IGF2BP1: variants seen among roughly 807,000 people sequenced by gnomAD.
IGF2BP1 encodes the protein insulin-like growth factor 2 mRNA-binding protein 1.
In IGF2BP1, 11 loss-of-function variants were observed where a neutral mutation model predicts 74.9. The observed-to-expected ratio is 0.15, with a 90% confidence interval of 0.09 to 0.24. The LOEUF is 0.24. Ranked by LOEUF, IGF2BP1 falls within the 10% of genes least tolerant of loss-of-function variation. IGF2BP1 has a pLI of 1.00. For missense variants in IGF2BP1, 440 were observed against 757.4 expected, an observed-to-expected ratio of 0.58 and a Z score of 4.92; for synonymous variants, 287 against 281.8, an observed-to-expected ratio of 1.02 and a Z score of -0.18.
Position 49,011,688 on chromosome 17 carries a change from C to CA in IGF2BP1, c.236+12532dup, listed in dbSNP as rs879470655. The stretch of plus-strand genomic sequence containing the variant: ...TGGGTGACAGAATGAGACCCTGTTC[C>CA]AAAAAAAAAAAAACGTTGGGAACAG... On this transcript the variant is annotated intron_variant, in intron 2 of 14. Transcript: ENST00000290341. 4.9e-3 allele frequency among the ~76,000 whole-genome samples: 631 copies of CA among 129,478 alleles called. 1 individual carries two copies. The highest frequency in any genetic ancestry group is 0.015 in the Middle Eastern group (4 of 262). 84.9% of individuals were successfully genotyped at this position (129,478 alleles called of 152,430 possible). A position where few individuals can be genotyped will look rare whatever the true frequency, so the allele number is the denominator to read the frequency against.
At chr17:49,012,872 G>A (rs1225825599) in intron 2 of IGF2BP1, 1 of 152,126 alleles carries the variant, frequency 6.6e-6, no homozygotes. Flanking sequence ...TGGGTTTACA[G>A]GCACCAGCCA....
At chr17:49,030,111 C>T (rs910162998) in intron 4 of IGF2BP1, among the ~76,000 whole-genome samples, 1 of 151,064 alleles carries the variant, frequency 6.6e-6, no homozygotes, top group African/African-American at 2.4e-5. Context: ...TAGACTTCTA[C>T]AGCCATTCCT....
intron 2 of IGF2BP1, among the ~76,000 whole-genome samples, chr17:49,002,142 A>G (rs2041494905): frequency 6.6e-6 from 1 of 152,140 alleles, no homozygotes; most frequent in Non-Finnish European, 1.5e-5. Flanking sequence ...CTTTTCCTCT[A>G]TGTTGACTAA....
intron 2 of IGF2BP1, among the ~76,000 whole-genome samples, chr17:48,999,419 G>A (rs2041457107): frequency 1.3e-5 from 2 of 152,082 alleles, no homozygotes; most frequent in African/African-American, 4.8e-5. Flanking sequence ...AGAATTAAAG[G>A]GGAAAGAAAA....
In IGF2BP1 at chr17:49,052,384, G is replaced by A. The variant is rs2042177633; in HGVS notation, c.*2940G>A. 1 of 152,186 alleles carries A rather than the reference G, an allele frequency of 6.6e-6. No individual in the cohort carries two copies. The highest frequency in any genetic ancestry group is 2.4e-5 in the African/African-American group (1 of 41,436). 9.4% of individuals were successfully genotyped at this position (152,186 alleles called of 1,614,324 possible). ...AAAAAAATCCCACAGTACCTGAAAT[G>A]TGATTGTTGCAGTGTTCAGTTTCCT... On this transcript the variant is annotated 3_prime_UTR_variant, in exon 15 of 15. Transcript: ENST00000290341.
At chr17:49,046,463 T>A (rs1334870159) in intron 14 of IGF2BP1, 90 bp downstream of exon 14, 7 of 966,884 alleles carry the variant, frequency 7.2e-6, no homozygotes, top group Non-Finnish European at 1.1e-5. Context: ...CTTCATGACG[T>A]TGACAAGTCC....
chr17:49,028,844 G>C (rs2041887157), intron 4 of IGF2BP1, among the ~76,000 whole-genome samples: 1 of 152,130 alleles, frequency 6.6e-6, no homozygotes, highest in Non-Finnish European at 1.5e-5. Flanking sequence ...GTCTCACTCT[G>C]TTACCCAGGC....
At chr17:49,045,101 A>T in intron 12 of IGF2BP1, 36 bp downstream of exon 12, 1 of 1,576,540 alleles carries the variant, frequency 6.3e-7, no homozygotes. Flanking sequence ...CTGAACATGG[A>T]GGAATTGAGG....
chr17:49,048,939 C>T (rs545278175), intron 14 of IGF2BP1, among the ~76,000 whole-genome samples: 64 of 151,820 alleles, frequency 4.2e-4, no homozygotes, highest in Admixed American at 1.7e-3. Context: ...TCCATGAAAC[C>T]AGTTCCTGGT....
At chr17:49,018,312 G>T (rs927581274) in intron 2 of IGF2BP1, among the ~76,000 whole-genome samples, 42 of 152,206 alleles carry the variant, frequency 2.8e-4, no homozygotes, top group Admixed American at 5.2e-4. Flanking sequence ...GATGACGTGA[G>T]CATGGTGTGT....
intron 5 of IGF2BP1, 33 bp downstream of exon 5, chr17:49,032,006 T>TGG (rs34685424): frequency 5.6e-6 from 5 of 899,364 alleles, no homozygotes; most frequent in Admixed American, 1.9e-5. Context: ...CTGGGTGCGG[T>TGG]GGGGGGGGGT....
intron 2 of IGF2BP1, chr17:49,012,944 C>T (rs1050078366): frequency 2.6e-5 from 4 of 151,928 alleles, no homozygotes; most frequent in Non-Finnish European, 5.9e-5. Context: ...ACGTTTTTTT[C>T]CTGGCAAGCA....
At chr17:49,032,006 T>TGGGGGGGGGGAGGGGGGGGGGGGGGGGGG in intron 5 of IGF2BP1, 33 bp downstream of exon 5, 1 of 899,376 alleles carries the variant, frequency 1.1e-6, no homozygotes, top group Non-Finnish European at 1.8e-6. Flanking sequence ...CTGGGTGCGG[T>TGGGGGGGGGGAGGGGGGGGGGGGGGGGGG]GGGGGGGGGT....
At chr17:49,011,779 G>A (rs75077788) in intron 2 of IGF2BP1, among the ~76,000 whole-genome samples, 2,124 of 152,016 alleles carry the variant, frequency 0.014, 54 homozygotes, top group African/African-American at 0.048. Context: ...GGAGTGGGGC[G>A]TAAGCTTAGC....
intron 5 of IGF2BP1, among the ~76,000 whole-genome samples, chr17:49,033,574 C>G (rs1050056855): frequency 1.3e-5 from 2 of 152,028 alleles, no homozygotes; most frequent in Non-Finnish European, 2.9e-5. Flanking sequence ...AACTCCTGAC[C>G]TCAAGTGATC....
At position 49,049,524 on chromosome 17, in the gene IGF2BP1, ATGAG is replaced by A; in HGVS notation, c.*83_*86del. 2 of 1,216,032 alleles carry A rather than the reference ATGAG, an allele frequency of 1.6e-6. No individual in the cohort carries two copies. Among genetic ancestry groups the A allele is most frequent in the Non-Finnish European group, 2.4e-6 (2 of 839,106 alleles). The allele number at this position is 1,216,032 out of a possible 1,614,324, so 75.3% of individuals were successfully genotyped here. A position where few individuals can be genotyped will look rare whatever the true frequency, so the allele number is the denominator to read the frequency against. ...TGTGCTCTCCCCGGCAGGCCTGAGA[ATGAG>A]TGGGAATCCGGGACACCTGGGCCGG... On this transcript the variant is annotated 3_prime_UTR_variant, in exon 15 of 15. Transcript: ENST00000290341.
chr17:49,012,086 A>G (rs2041626450), intron 2 of IGF2BP1, among the ~76,000 whole-genome samples: 1 of 151,914 alleles, frequency 6.6e-6, no homozygotes, highest in South Asian at 2.1e-4. Flanking sequence ...TTGTACTTTT[A>G]GTAGAGAAGG....
rs1037294034 is a variant in IGF2BP1, at chr17:49,055,848, T to TTG, written c.*6405_*6406insGT. ...ACTGCTTGGGACAGTTTTTTTTTTT[T>TTG]TTTTTTTTTTAAATATGAGTGCTAG... On this transcript the variant is annotated 3_prime_UTR_variant, in exon 15 of 15. Coordinates refer to ENST00000290341, the MANE Select transcript of IGF2BP1 (RefSeq NM_006546.4). Among the ~76,000 whole-genome samples, 7 of 151,070 alleles carry TTG rather than the reference T, an allele frequency of 4.6e-5. No individual in the cohort carries two copies. Among genetic ancestry groups the TTG allele is most frequent in the African/African-American group, 1.7e-4 (7 of 41,020 alleles).
intron 4 of IGF2BP1, among the ~76,000 whole-genome samples, chr17:49,030,727 A>G (rs948860412): frequency 3.3e-5 from 5 of 151,912 alleles, no homozygotes; most frequent in Non-Finnish European, 5.9e-5. Context: ...CCCGGGTTCA[A>G]GCGATTCTCC....
Sources: gnomAD v4.1 joint callset for allele counts (sites outside exome capture counted in the v4.1 genomes callset) on GRCh38, gnomAD v4.1.1 for gene constraint, MANE v1.5 for transcripts, NCBI Gene and HGNC (gene_info 2026-07-23, HGNC 2026-07-21) for gene names.